Variants in KIAA1328 observed in about 807,000 individuals in gnomAD.
KIAA1328 encodes the protein protein hinderin.
KIAA1328 carries 52 observed loss-of-function variants against 68.1 expected under a neutral mutation model. The ratio of observed to expected loss-of-function variants is 0.76; its 90% CI spans 0.61 to 0.96. KIAA1328 has a LOEUF of 0.96. Among genes scored for constraint, KIAA1328 ranks in the 40% least tolerant of loss-of-function variants. KIAA1328 has a pLI of 0.00. For synonymous variants in KIAA1328, 232 were observed against 239.4 expected, an observed-to-expected ratio of 0.97 and a Z score of 0.28; for missense variants, 641 against 677.6, an observed-to-expected ratio of 0.95 and a Z score of 0.60.
intron 6 of KIAA1328, among the ~76,000 whole-genome samples, chr18:37,001,694 C>A (rs2053590556): frequency 6.6e-6 from 1 of 152,044 alleles, no homozygotes; most frequent in Non-Finnish European, 1.5e-5. Context: ...GCAAAGATGG[C>A]TCAACATACA....
At chr18:37,013,441 C>T (rs979807465) in intron 6 of KIAA1328, among the ~76,000 whole-genome samples, 5 of 152,044 alleles carry the variant, frequency 3.3e-5, no homozygotes, top group African/African-American at 9.7e-5. Context: ...TACAAACGAT[C>T]CTGTCACCCA....
In KIAA1328 at chr18:36,915,947, G is replaced by T. The variant is rs1393850080; in HGVS notation, c.448+30275G>T. 2.0e-5 allele frequency among the ~76,000 whole-genome samples: 3 copies of T among 152,180 alleles called. No individual in the cohort carries two copies. The East Asian group carries it at 5.8e-4, about 29-fold the overall frequency. ...CAACTCAAATGTCTTTCAGTGAGTG[G>T]GTGAATACAAACAGGTAGAGCCACT... On this transcript the variant is annotated intron_variant, in intron 5 of 9. Coordinates refer to ENST00000280020, the MANE Select transcript of KIAA1328 (RefSeq NM_020776.3).
intron 5 of KIAA1328, among the ~76,000 whole-genome samples, chr18:36,906,556 T>C (rs1162403363): frequency 6.6e-6 from 1 of 152,184 alleles, no homozygotes; most frequent in Non-Finnish European, 1.5e-5. Context: ...TAATAGTCCA[T>C]TATATGGATA....
chr18:37,097,878 C>A (rs1006059811), intron 7 of KIAA1328, among the ~76,000 whole-genome samples: 33 of 152,062 alleles, frequency 2.2e-4, no homozygotes, highest in Non-Finnish European at 4.3e-4. Flanking sequence ...GTCTGTTTGT[C>A]TGTTATTAGT....
chr18:36,872,349 A>G (rs1252546993), intron 4 of KIAA1328, among the ~76,000 whole-genome samples: 2 of 152,170 alleles, frequency 1.3e-5, no homozygotes, highest in Non-Finnish European at 2.9e-5. Context: ...GACCCCCACC[A>G]TCAGACTAAC....
chr18:36,965,825 A>G (rs1404471272), intron 6 of KIAA1328, among the ~76,000 whole-genome samples: 1 of 151,420 alleles, frequency 6.6e-6, no homozygotes, highest in African/African-American at 2.4e-5. Flanking sequence ...TCTTAATTCT[A>G]TCTAATACTA....
intron 6 of KIAA1328, among the ~76,000 whole-genome samples, chr18:36,979,861 G>A (rs532703458): frequency 6.6e-6 from 1 of 152,318 alleles, no homozygotes; most frequent in African/African-American, 2.4e-5. Context: ...TGGTCTGATT[G>A]TGTTCCCCCA....
chr18:36,948,076 A>C (rs1025825525), intron 5 of KIAA1328, among the ~76,000 whole-genome samples: 2 of 152,118 alleles, frequency 1.3e-5, no homozygotes, highest in African/African-American at 4.8e-5. Flanking sequence ...CTCGGCCAAG[A>C]GCGGCCTTCA....
chr18:37,194,003 A>G (rs2059957291), intron 9 of KIAA1328, among the ~76,000 whole-genome samples: 1 of 152,236 alleles, frequency 6.6e-6, no homozygotes, highest in African/African-American at 2.4e-5. Flanking sequence ...ACCACAATGC[A>G]GTTAACCAGT....
At chr18:37,076,193 T>A (rs2056727500) in intron 7 of KIAA1328, among the ~76,000 whole-genome samples, 1 of 152,010 alleles carries the variant, frequency 6.6e-6, no homozygotes, top group Non-Finnish European at 1.5e-5. Flanking sequence ...TCAAAACCAC[T>A]CAACTACATG....
intron 5 of KIAA1328, among the ~76,000 whole-genome samples, chr18:36,915,854 TA>T (rs1299649242): frequency 6.6e-6 from 1 of 152,186 alleles, no homozygotes; most frequent in African/African-American, 2.4e-5. Context: ...AATGAAAAGT[TA>T]TGATCACACA....
intron 7 of KIAA1328, among the ~76,000 whole-genome samples, chr18:37,136,118 C>T (rs1280068053): frequency 6.6e-6 from 1 of 152,150 alleles, no homozygotes; most frequent in African/African-American, 2.4e-5. Flanking sequence ...CCTTGTACCA[C>T]ACTTTAAGAA....
chr18:37,023,329 C>G (rs72890545), intron 6 of KIAA1328, among the ~76,000 whole-genome samples: 20,724 of 152,260 alleles, frequency 0.14, 1,760 homozygotes, highest in Admixed American at 0.18. Flanking sequence ...ATGCTCCCAC[C>G]TCAGCCCCCC....
chr18:37,198,988 A>G (rs1431233111), intron 9 of KIAA1328, among the ~76,000 whole-genome samples: 1 of 152,192 alleles, frequency 6.6e-6, no homozygotes, highest in African/African-American at 2.4e-5. Flanking sequence ...GCACTAACTT[A>G]CACAACTATA....
At chr18:37,115,274 T>C (rs964125241) in intron 7 of KIAA1328, among the ~76,000 whole-genome samples, 1 of 152,212 alleles carries the variant, frequency 6.6e-6, no homozygotes, top group South Asian at 2.1e-4. Flanking sequence ...AATAAAATAC[T>C]GGCAAACCGA....
rs372565622 is a variant in KIAA1328 at position 36,844,192 on chromosome 18, A to AT, written c.238-4dup. The AT allele has an allele frequency of 0.05, 51,739 of 1,033,908 alleles. No individual in the cohort carries two copies. Among genetic ancestry groups the AT allele is most frequent in the South Asian group, 0.058 (3,158 of 54,310 alleles). 64.0% of individuals were successfully genotyped at this position (1,033,908 alleles called of 1,614,324 possible). Reference sequence around the variant, plus strand: ...TTGGTTTTAGAAAAAGTGTAACTAAATTTTTTTTTTTTAAGAATTCCTGCA... The same window carrying AT: ...TTGGTTTTAGAAAAAGTGTAACTAAATTTTTTTTTTTTTAAGAATTCCTGCA... On this transcript the variant is annotated splice_polypyrimidine_tract_variant and intron_variant, in intron 3 of 9. Transcript: ENST00000280020.
At chr18:36,961,169 G>C (rs1190493179) in intron 6 of KIAA1328, among the ~76,000 whole-genome samples, 2 of 152,176 alleles carry the variant, frequency 1.3e-5, no homozygotes, top group Non-Finnish European at 2.9e-5. Flanking sequence ...TGTGATGTGT[G>C]CACAAGCTTC....
At chr18:37,169,795 C>G (rs1226424244) in intron 8 of KIAA1328, among the ~76,000 whole-genome samples, 1 of 152,172 alleles carries the variant, frequency 6.6e-6, no homozygotes, top group Non-Finnish European at 1.5e-5. Context: ...GATATGGTTT[C>G]TTTCTTCAGA....
chr18:36,848,387 G>A (rs1011716101), intron 4 of KIAA1328, among the ~76,000 whole-genome samples: 1 of 151,060 alleles, frequency 6.6e-6, no homozygotes, highest in African/African-American at 2.4e-5. Context: ...TTGAAAAATA[G>A]ATTTTTTTAA....
Sources: gnomAD v4.1 joint callset for allele counts (sites outside exome capture counted in the v4.1 genomes callset) on GRCh38, gnomAD v4.1.1 for gene constraint, MANE v1.5 for transcripts, NCBI Gene and HGNC (gene_info 2026-07-23, HGNC 2026-07-21) for gene names.